RBFOX1: variants seen among roughly 807,000 people sequenced by gnomAD.
RBFOX1 encodes the protein RNA binding fox-1 homolog 1.
Under a neutral mutation model 57.7 loss-of-function variants are expected in RBFOX1, and 8 were observed. The ratio of observed to expected loss-of-function variants is 0.14; its 90% CI spans 0.08 to 0.25. The LOEUF is 0.25. Ranked by LOEUF, RBFOX1 falls within the 10% of genes least tolerant of loss-of-function variation. The pLI is 1.00. For synonymous variants in RBFOX1, 326 were observed against 222.4 expected (o/e 1.47, Z -4.15); for missense variants, 611 against 548.5 (o/e 1.11, Z -1.14).
In RBFOX1 at chr16:6,831,619, A is replaced by G. The variant is rs367566183; in HGVS notation, c.-16+176969A>G. On this transcript the variant is annotated intron_variant, in intron 3 of 15. Coordinates refer to ENST00000550418, the MANE Select transcript of RBFOX1 (RefSeq NM_018723.4). ...TTCAACAAGAGCCAGGGCTGTGGGAAGTGTCCTCAAATGGAAGGGTTTTAA... is the reference window on the plus strand; with the variant it reads ...TTCAACAAGAGCCAGGGCTGTGGGAGGTGTCCTCAAATGGAAGGGTTTTAA... Among the ~76,000 whole-genome samples the G allele has an allele frequency of 4.6e-5, 7 of 152,362 alleles. No homozygotes were observed. The East Asian group carries it at 7.7e-4, about 17-fold the overall frequency.
intron 5 of RBFOX1, among the ~76,000 whole-genome samples, chr16:7,558,814 C>T (rs937494972): frequency 6.6e-6 from 1 of 152,190 alleles, no homozygotes; most frequent in African/African-American, 2.4e-5. Flanking sequence ...ATAAGCCTTT[C>T]TGAGAGCACT....
intron 3 of RBFOX1, among the ~76,000 whole-genome samples, chr16:5,764,391 C>G (rs2053702918): frequency 6.6e-6 from 1 of 152,316 alleles, no homozygotes; most frequent in African/African-American, 2.4e-5. Context: ...CAGCACCCAG[C>G]CTCTTGTAAA....
intron 4 of RBFOX1, among the ~76,000 whole-genome samples, chr16:7,276,469 C>T (rs2095442268): frequency 1.3e-5 from 2 of 152,106 alleles, no homozygotes; most frequent in African/African-American, 2.4e-5. Flanking sequence ...TTTCTTCCTT[C>T]CTCTATATTC....
intron 1 of RBFOX1, among the ~76,000 whole-genome samples, chr16:6,215,763 T>C (rs560133187): frequency 4.6e-5 from 7 of 152,256 alleles, no homozygotes; most frequent in South Asian, 2.1e-4. Context: ...CGAAAGCAAG[T>C]ATTCTGTGGT....
At chr16:5,359,360 C>T (rs991894887) in intron 1 of RBFOX1, among the ~76,000 whole-genome samples, 2 of 152,204 alleles carry the variant, frequency 1.3e-5, no homozygotes, top group Admixed American at 1.3e-4. Flanking sequence ...CATATGGTAG[C>T]TCCACTTTTA....
At chr16:5,618,886 T>C (rs2048123716) in intron 3 of RBFOX1, among the ~76,000 whole-genome samples, 1 of 152,142 alleles carries the variant, frequency 6.6e-6, no homozygotes, top group Non-Finnish European at 1.5e-5. Context: ...CAGCTTCCTG[T>C]TGCTGCTGGG....
Position 5,929,000 on chromosome 16 carries a change from C to T in RBFOX1, c.351+61665C>T, listed in dbSNP as rs1291971912. Among the ~76,000 whole-genome samples, 3 of 146,924 alleles carry T rather than the reference C, an allele frequency of 2.0e-5. No individual in the cohort carries two copies. The Admixed American group carries it at 2.1e-4, about 10-fold the overall frequency. Reference sequence around the variant, plus strand: ...CCAGCTGTGAGCTGGTCCCTAAGGCCACTTTCAAAGTGTTTAAAGCTTCTT... The same window carrying T: ...CCAGCTGTGAGCTGGTCCCTAAGGCTACTTTCAAAGTGTTTAAAGCTTCTT... On this transcript the variant is annotated intron_variant, in intron 4 of 19. Coordinates refer to the RBFOX1 transcript ENST00000641259.
At chr16:5,491,583 C>T (rs530489332) in intron 2 of RBFOX1, among the ~76,000 whole-genome samples, 15 of 152,184 alleles carry the variant, frequency 9.9e-5, no homozygotes, top group Non-Finnish European at 1.8e-4. Flanking sequence ...AATAGATTAA[C>T]AACTGCTGTG....
chr16:7,240,761 G>C (rs553987085), intron 4 of RBFOX1, among the ~76,000 whole-genome samples: 2 of 152,170 alleles, frequency 1.3e-5, no homozygotes, highest in Non-Finnish European at 2.9e-5. Context: ...GTGGAGATGG[G>C]GTTTTGCCAT....
intron 1 of RBFOX1, among the ~76,000 whole-genome samples, chr16:5,456,225 C>T (rs992264378): frequency 6.6e-6 from 1 of 152,040 alleles, no homozygotes; most frequent in Non-Finnish European, 1.5e-5. Context: ...GTCATTTCAA[C>T]AGCTTGCATA....
chr16:5,518,691 C>G lies in RBFOX1; in HGVS notation c.258+51437C>G, dbSNP rs148681125. On this transcript the variant is annotated intron_variant, in intron 2 of 2. Coordinates refer to the RBFOX1 transcript ENST00000585867. ...CCTCCATTCCTCTCCAGGGGTGCAA[C>G]TCTAGGGAGTCCTTTTATCTCTTGA... 2.8e-3 allele frequency among the ~76,000 whole-genome samples: 432 copies of G among 152,286 alleles called. 2 individuals carry two copies. Among genetic ancestry groups the G allele is most frequent in the African/African-American group, 9.7e-3 (403 of 41,552 alleles).
chr16:6,866,331 T>G (rs962506020), intron 3 of RBFOX1, among the ~76,000 whole-genome samples: 1 of 151,936 alleles, frequency 6.6e-6, no homozygotes, highest in African/African-American at 2.4e-5. Flanking sequence ...AACAAGGAAA[T>G]AGATCACTTC....
chr16:7,668,401 GGAGTA>G (rs1261229481), intron 13 of RBFOX1, among the ~76,000 whole-genome samples: 1 of 152,152 alleles, frequency 6.6e-6, no homozygotes, highest in Non-Finnish European at 1.5e-5. Flanking sequence ...ATTGCCAAAG[GGAGTA>G]GACTTGTTAT....
chr16:5,946,200 C>T lies in RBFOX1; in HGVS notation c.351+78865C>T, dbSNP rs2059397021. 6.6e-6 allele frequency among the ~76,000 whole-genome samples: 1 copy of T among 152,184 alleles called. No individual in the cohort carries two copies. The highest frequency in any genetic ancestry group is 6.6e-5 in the Admixed American group (1 of 15,264). ...TGCACAGACGGCCCGAGGTGGGGGC[C>T]AGGCTCTGCCACATTAGATGCCTTC... On this transcript the variant is annotated intron_variant, in intron 4 of 19. Coordinates refer to the RBFOX1 transcript ENST00000641259. The surrounding 1 kb of genome is among the most constrained non-coding windows in gnomAD (Gnocchi z 4.6).
intron 3 of RBFOX1, among the ~76,000 whole-genome samples, chr16:5,809,353 C>T (rs889732234): frequency 1.3e-5 from 2 of 152,150 alleles, no homozygotes; most frequent in Non-Finnish European, 2.9e-5. Context: ...AGCTTCTGGA[C>T]AGCAAAAGAA....
intron 1 of RBFOX1, among the ~76,000 whole-genome samples, chr16:6,127,395 G>A (rs1265870015): frequency 1.3e-5 from 2 of 151,828 alleles, no homozygotes; most frequent in South Asian, 2.1e-4. Context: ...TGTTCATGTG[G>A]ACCTTTTAAT....
At chr16:6,505,375 G>T (rs1369886009) in intron 2 of RBFOX1, among the ~76,000 whole-genome samples, 1 of 152,128 alleles carries the variant, frequency 6.6e-6, no homozygotes, top group Admixed American at 6.6e-5. Flanking sequence ...AGTAAAAATG[G>T]CATTTGGGAA....
chr16:6,612,615 G>A (rs2098078370), intron 2 of RBFOX1, among the ~76,000 whole-genome samples: 1 of 152,034 alleles, frequency 6.6e-6, no homozygotes, highest in Non-Finnish European at 1.5e-5. Context: ...ACTTTGGAAG[G>A]CCGAGGCAGG....
chr16:6,562,651 G>A (rs2097193471), intron 2 of RBFOX1, among the ~76,000 whole-genome samples: 1 of 152,166 alleles, frequency 6.6e-6, no homozygotes, highest in African/African-American at 2.4e-5. Flanking sequence ...GTTGACAAAT[G>A]AGAAAGCAGC....
Sources: gnomAD v4.1 joint callset for allele counts (sites outside exome capture counted in the v4.1 genomes callset) on GRCh38, gnomAD v4.1.1 for gene constraint, Gnocchi (gnomAD v3.1) non-coding constraint, MANE v1.5 for transcripts, NCBI Gene and HGNC (gene_info 2026-07-23, HGNC 2026-07-21) for gene names.